The following PPIL2 variants were observed in gnomAD, a reference collection of about 807,000 sequenced individuals.
PPIL2 encodes RING-type E3 ubiquitin-protein ligase PPIL2.
Under a neutral mutation model 75.2 loss-of-function variants are expected in PPIL2, and 50 were observed. The observed-to-expected ratio is 0.66, with a 90% CI of 0.53 to 0.84. The LOEUF is 0.84. Ranked by LOEUF, PPIL2 falls within the 40% of genes least tolerant of loss-of-function variation. The pLI is 0.00. For missense variants in PPIL2, 590 were observed against 685.0 expected (o/e 0.86, Z 1.55); for synonymous variants, 245 against 258.8 (o/e 0.95, Z 0.51).
Position 21,687,690 on chromosome 22 carries a change from T to C in PPIL2, c.945T>C (p.Tyr315=). ...ENFIRLCKKH[Y]YDGTIFHRSI... Reference sequence around the variant, plus strand: ...TCATCAGGCTTTGCAAGAAGCATTATTACGATGGCACCATCTTCCACAGAT... The same window carrying C: ...TCATCAGGCTTTGCAAGAAGCATTACTACGATGGCACCATCTTCCACAGAT... The change falls in exon 13 of 20, where the codon TAT becomes TAC. Residue 315 remains tyrosine, a synonymous_variant. Transcript: ENST00000398831. The C allele has an allele frequency of 1.2e-6, 2 of 1,613,616 alleles. No homozygotes were observed. The highest frequency in any genetic ancestry group is 1.7e-6 in the Non-Finnish European group (2 of 1,179,720).
At chr22:21,692,207 G>C (rs148992384) in intron 15 of PPIL2, among the ~76,000 whole-genome samples, 2 of 151,510 alleles carry the variant, frequency 1.3e-5, no homozygotes, top group African/African-American at 2.4e-5. Context: ...CCAGGCTGGA[G>C]TGCAGCGGCG....
At chr22:21,671,558 A>G (rs1398726700) in intron 4 of PPIL2, among the ~76,000 whole-genome samples, 2 of 150,696 alleles carry the variant, frequency 1.3e-5, no homozygotes, top group South Asian at 2.1e-4. Flanking sequence ...CTGAAAGTAT[A>G]GTTTTTCTTT....
chr22:21,697,518 C>T lies in PPIL2; in HGVS notation c.*2028C>T, dbSNP rs2067984696. 3 of 158,000 alleles carry T rather than the reference C, an allele frequency of 1.9e-5. No homozygotes were observed. The highest frequency in any genetic ancestry group is 1.9e-4 in the South Asian group (1 of 5,296). 9.8% of individuals were successfully genotyped at this position (158,000 alleles called of 1,614,324 possible). On this transcript the variant is annotated 3_prime_UTR_variant, in exon 20 of 20. Coordinates refer to ENST00000398831, the MANE Select transcript of PPIL2 (RefSeq NM_014337.4). ...AGCCTTCTGCATCAGGACATGGCCT[C>T]GTCCACTGAGGGCACGATTTAAACA...
intron 1 of PPIL2, chr22:21,669,272 G>A: frequency 2.9e-6 from 1 of 347,794 alleles, no homozygotes; most frequent in Admixed American, 2.8e-5. Context: ...CTTAGTCTTT[G>A]GAGTAGCTGG....
intron 15 of PPIL2, among the ~76,000 whole-genome samples, chr22:21,690,741 T>G (rs2067584269): frequency 1.3e-5 from 2 of 152,216 alleles, no homozygotes; most frequent in African/African-American, 4.8e-5. Flanking sequence ...GGGTGCATGT[T>G]CCCTCTTCAC....
chr22:21,695,962 C>T lies in PPIL2; in HGVS notation c.*472C>T, dbSNP rs1290013115. Reference sequence around the variant, plus strand: ...TCAGCCTCGCAAGTAGCTGGGACTACAGCCGTGCACCACTACATCCAGCTG... The same window carrying T: ...TCAGCCTCGCAAGTAGCTGGGACTATAGCCGTGCACCACTACATCCAGCTG... On this transcript the variant is annotated 3_prime_UTR_variant, in exon 20 of 20. Coordinates refer to ENST00000398831, the MANE Select transcript of PPIL2 (RefSeq NM_014337.4). The T allele has an allele frequency of 1.2e-5, 7 of 598,408 alleles. No individual in the cohort carries two copies. Among genetic ancestry groups the T allele is most frequent in the Non-Finnish European group, 1.5e-5 (7 of 462,726 alleles). The allele number at this position is 598,408 out of a possible 1,614,324, so 37.1% of individuals were successfully genotyped here. A position where few individuals can be genotyped will look rare whatever the true frequency, so the allele number is the denominator to read the frequency against.
chr22:21,684,620 C>T, intron 9 of PPIL2, 133 bp from the exon 10 acceptor site: 2 of 1,141,096 alleles, frequency 1.8e-6, no homozygotes, highest in South Asian at 3.3e-5. Flanking sequence ...CTGTGGCATT[C>T]TGTGGCTGGC....
chr22:21,670,038 G>A (rs2066570975), intron 2 of PPIL2, 76 bp downstream of exon 2: 1 of 1,429,406 alleles, frequency 7.0e-7, no homozygotes, highest in African/African-American at 1.4e-5. Flanking sequence ...ACAGTGAGCT[G>A]TAAAAATAGA....
Position 21,696,183 on chromosome 22 carries a change from T to A in PPIL2, c.*693T>A. 2.0e-6 allele frequency: 2 copies of A among 1,001,962 alleles called. No individual in the cohort carries two copies. Among genetic ancestry groups the A allele is most frequent in the Non-Finnish European group, 2.4e-6 (2 of 839,050 alleles). The allele number at this position is 1,001,962 out of a possible 1,614,324, so 62.1% of individuals were successfully genotyped here. ...CTTCAGGGGCTTCTGAAGGCTGGTGTTGGACGGCAGCATTGAGTTTCCTGC... is the reference window on the plus strand; with the variant it reads ...CTTCAGGGGCTTCTGAAGGCTGGTGATGGACGGCAGCATTGAGTTTCCTGC... On this transcript the variant is annotated 3_prime_UTR_variant, in exon 20 of 20. Transcript: ENST00000398831.
At chr22:21,685,047 G>A in intron 10 of PPIL2, 134 bp downstream of exon 10, 1 of 1,250,886 alleles carries the variant, frequency 8.0e-7, no homozygotes, top group Non-Finnish European at 1.1e-6. Context: ...GGATCCCCCA[G>A]AGCTGTGGTG....
At chr22:21,686,353 C>T (rs2067359996) in intron 10 of PPIL2, 130 bp from the exon 11 acceptor site, 5 of 849,264 alleles carry the variant, frequency 5.9e-6, no homozygotes, top group Non-Finnish European at 9.4e-6. Flanking sequence ...GGAGGCCCTC[C>T]TGGAGGAGAG....
chr22:21,697,449 A>C lies in PPIL2; in HGVS notation c.*1959A>C. 1 of 180,742 alleles carries C rather than the reference A, an allele frequency of 5.5e-6. No homozygotes were observed. Among genetic ancestry groups the C allele is most frequent in the Non-Finnish European group, 1.2e-5 (1 of 84,742 alleles). The allele number at this position is 180,742 out of a possible 1,614,324, so 11.2% of individuals were successfully genotyped here. A position where few individuals can be genotyped will look rare whatever the true frequency, so the allele number is the denominator to read the frequency against. Reference sequence around the variant, plus strand: ...TTGGCTCCAGAGCTCGAAGACCCCAAGACAGCCCTCTGCTCTCAGCGGCGC... The same window carrying C: ...TTGGCTCCAGAGCTCGAAGACCCCACGACAGCCCTCTGCTCTCAGCGGCGC... On this transcript the variant is annotated 3_prime_UTR_variant, in exon 20 of 20. Transcript: ENST00000398831.
In PPIL2 at chr22:21,697,692, G is replaced by C. The variant is rs2067993089; in HGVS notation, c.*2202G>C. 1 of 152,476 alleles carries C rather than the reference G, an allele frequency of 6.6e-6. No individual in the cohort carries two copies. The highest frequency in any genetic ancestry group is 6.5e-5 in the Admixed American group (1 of 15,282). 9.4% of individuals were successfully genotyped at this position (152,476 alleles called of 1,614,324 possible). ...TGAAGCCACCATGGGTGACCGTCCA[G>C]CCTCACCCGGTGGCCTGCACAGTGA... On this transcript the variant is annotated 3_prime_UTR_variant, in exon 20 of 20. Transcript: ENST00000398831.
Position 21,695,090 on chromosome 22 carries a change from C to A in PPIL2, c.1466+20C>A. On this transcript the variant is annotated intron_variant, in intron 19 of 19. Coordinates refer to ENST00000398831, the MANE Select transcript of PPIL2 (RefSeq NM_014337.4). ...AGCCACGTGAGTGCCGCGGGGCTGG[C>A]CTCCCTGTTTCCCATGGTGTTTCCT... is the stretch of plus-strand genomic sequence containing the variant. 1 of 1,579,508 alleles carries A rather than the reference C, an allele frequency of 6.3e-7. No individual in the cohort carries two copies. Among genetic ancestry groups the A allele is most frequent in the Non-Finnish European group, 8.6e-7 (1 of 1,169,208 alleles).
At chr22:21,671,133 A>C in intron 4 of PPIL2, 74 bp downstream of exon 4, 1 of 1,403,522 alleles carries the variant, frequency 7.1e-7, no homozygotes, top group Non-Finnish European at 1.0e-6. Flanking sequence ...GACCCTTGGT[A>C]CCCTTGGGTA....
chr22:21,685,008 G>C (rs1288168822), intron 10 of PPIL2, 95 bp downstream of exon 10: 2 of 1,494,830 alleles, frequency 1.3e-6, no homozygotes, highest in East Asian at 2.4e-5. Flanking sequence ...GCTCATGGGG[G>C]CCTGGGATAC....
At chr22:21,681,542 TG>T in intron 7 of PPIL2, 152 bp downstream of exon 7, 1 of 698,596 alleles carries the variant, frequency 1.4e-6, no homozygotes, top group Non-Finnish European at 2.4e-6. Flanking sequence ...AGCAAAGCTC[TG>T]GCAGTGCAGC....
downstream of PPIL2, chr22:21,698,902 A>G (rs1206261013): frequency 2.0e-5 from 3 of 152,474 alleles, no homozygotes; most frequent in Non-Finnish European, 2.9e-5. Context: ...TTGCAGGGCC[A>G]TAGCCGGATG....
chr22:21,671,882 G>A (rs1395694906), intron 4 of PPIL2, among the ~76,000 whole-genome samples: 5 of 152,010 alleles, frequency 3.3e-5, no homozygotes, highest in Non-Finnish European at 5.9e-5. Context: ...GAGAACCTGT[G>A]TCTACAAAAA....
Sources: gnomAD v4.1 joint callset for allele counts (sites outside exome capture counted in the v4.1 genomes callset) on GRCh38, gnomAD v4.1.1 for gene constraint, MANE v1.5 for transcripts, NCBI Gene and HGNC (gene_info 2026-07-23, HGNC 2026-07-21) for gene names.